DNAH12: variants seen among roughly 807,000 people sequenced by gnomAD.
DNAH12 encodes the protein axonemal beta dynein heavy chain 12.
A neutral mutation model predicts 371.5 loss-of-function variants in DNAH12; 285 were observed. That is an observed-to-expected ratio of 0.77 (90% CI 0.70 to 0.85). DNAH12 has a LOEUF of 0.85. Among genes scored for constraint, DNAH12 ranks in the 40% least tolerant of loss-of-function variants. The pLI is 0.00. For missense variants in DNAH12, 3,611 were observed against 3,689.4 expected (o/e 0.98, Z 0.55); for synonymous variants, 1,200 against 1,213.0 (o/e 0.99, Z 0.22).
In DNAH12 at chr3:57,325,350, G is replaced by A. The variant is rs375520832; in HGVS notation, c.9979-1731C>T. On this transcript the variant is annotated intron_variant, in intron 62 of 73. Transcript: ENST00000495027. Reference sequence around the variant, plus strand: ...GTAGGGGCAAACTGACACCTCACACGGCTGGGTACTCCTCTGAGACAAAAC... The same window carrying A: ...GTAGGGGCAAACTGACACCTCACACAGCTGGGTACTCCTCTGAGACAAAAC... 1.1e-4 allele frequency among the ~76,000 whole-genome samples: 17 copies of A among 152,270 alleles called. No individual in the cohort carries two copies. The East Asian group carries it at 1.7e-3, about 16-fold the overall frequency.
At chr3:57,554,880 G>C in the DNAH12 span, among the ~76,000 whole-genome samples, 1 of 152,084 alleles carries the variant, frequency 6.6e-6, no homozygotes, top group Admixed American at 6.6e-5. Flanking sequence ...GCCTCCCAAA[G>C]TGCTGGGATT....
intron 55 of DNAH12, among the ~76,000 whole-genome samples, chr3:57,370,822 G>A (rs1365670756): frequency 1.3e-5 from 2 of 152,154 alleles, no homozygotes; most frequent in Admixed American, 6.5e-5. Flanking sequence ...CTTGGGAAGA[G>A]TATCAGTCTG....
intron 4 of DNAH12, among the ~76,000 whole-genome samples, chr3:57,513,947 G>A (rs1434060244): frequency 6.6e-6 from 1 of 152,128 alleles, no homozygotes; most frequent in Non-Finnish European, 1.5e-5. Flanking sequence ...CAGTATGAAA[G>A]CATACATATA....
chr3:57,421,463 T>C, intron 36 of DNAH12, 55 bp downstream of exon 36: 2 of 1,514,536 alleles, frequency 1.3e-6, no homozygotes, highest in South Asian at 1.2e-5. Flanking sequence ...GAGCTTTGTC[T>C]GCTGGCCTAA....
At position 57,405,794 on chromosome 3, in the gene DNAH12, C is replaced by T. The variant is rs782403636; in HGVS notation, c.6435G>A (p.Glu2145=). ...KHTMIRLFVH[E]VLRVFYDRLI... is the part of the protein sequence containing the mutation. The stretch of plus-strand genomic sequence containing the variant: ...GGCGATCATAAAACACTCGGAGAAC[C>T]TCATGCACAAACAGACGGATCATAG... The change falls in exon 41 of 74, where the codon GAG becomes GAA. Residue 2145 remains glutamate (E), a synonymous_variant. Coordinates refer to ENST00000495027, the MANE Select transcript of DNAH12 (RefSeq NM_001366028.2). The T allele has an allele frequency of 6.4e-7, 1 of 1,551,638 alleles. No individual in the cohort carries two copies. Among genetic ancestry groups the T allele is most frequent in the Middle Eastern group, 1.7e-4 (1 of 5,992 alleles).
chr3:57,334,590 T>C lies in DNAH12; in HGVS notation c.9853A>G (p.Ile3285Val), dbSNP rs866319966. Residue 3285 changes from isoleucine (I) to valine (V), a missense_variant, in exon 62 of 74, where the codon ATA becomes GTA. Ile to Val is a conservative substitution (Grantham distance 29, BLOSUM62 3). Transcript: ENST00000495027. The part of the protein sequence containing the change: ...RGLRQHFCEH[I>V]YEWREIYDSK... Reference sequence around the variant, plus strand: ...TCATAGATTTCTCGCCATTCATATATATGTTCACAAAAATGTTGCCTAATA... The same window carrying C: ...TCATAGATTTCTCGCCATTCATATACATGTTCACAAAAATGTTGCCTAATA... 3.2e-6 allele frequency: 5 copies of C among 1,540,730 alleles called. No individual in the cohort carries two copies. The highest frequency in any genetic ancestry group is 3.4e-4 in the Middle Eastern group (2 of 5,928).
chr3:57,495,629 A>T (rs972098078), intron 11 of DNAH12, among the ~76,000 whole-genome samples: 17 of 146,364 alleles, frequency 1.2e-4, no homozygotes, highest in South Asian at 2.1e-4. Flanking sequence ...TATTATATAT[A>T]TTTTTATGTA....
intron 34 of DNAH12, 128 bp from the exon 35 acceptor site, chr3:57,425,269 A>G (rs1295158648): frequency 1.7e-6 from 1 of 581,168 alleles, no homozygotes; most frequent in African/African-American, 2.0e-5. Flanking sequence ...TGTTTTTGAG[A>G]TGGGATCTCA....
intron 4 of DNAH12, among the ~76,000 whole-genome samples, chr3:57,518,209 C>T (rs920679740): frequency 1.3e-5 from 2 of 151,666 alleles, no homozygotes; most frequent in Non-Finnish European, 2.9e-5. Context: ...TTTTAGTGCT[C>T]GATATCATAG....
intron 2 of DNAH12, among the ~76,000 whole-genome samples, chr3:57,528,308 G>A (rs575809517): frequency 3.1e-4 from 47 of 151,818 alleles, no homozygotes; most frequent in African/African-American, 9.7e-4. Flanking sequence ...GATTACAGGC[G>A]TGAGCCACTG....
At chr3:57,553,750 A>G in the DNAH12 span, among the ~76,000 whole-genome samples, 1 of 152,210 alleles carries the variant, frequency 6.6e-6, no homozygotes, top group African/African-American at 2.4e-5. Context: ...TGACTTTAAA[A>G]CATCTAGCAA....
Position 57,468,904 on chromosome 3 carries a change from A to T in DNAH12, c.2181T>A (p.Ile727=). The part of the protein sequence containing the change: ...EADVEEFSRE[I]FKTLKFFQTK... ...TTTGGAAAAATTTTAGTGTCTTAAA[A>T]ATTTCTCGGGAAAACTCTTCCACAT... is the stretch of plus-strand genomic sequence containing the variant. Residue 727 remains isoleucine (I), a synonymous_variant, in exon 17 of 74, where the codon ATT becomes ATA. Transcript: ENST00000495027. The T allele has an allele frequency of 6.6e-7, 1 of 1,526,344 alleles. No homozygotes were observed. The highest frequency in any genetic ancestry group is 1.3e-5 in the South Asian group (1 of 79,046). 94.6% of individuals were successfully genotyped at this position (1,526,344 alleles called of 1,614,324 possible).
intron 11 of DNAH12, among the ~76,000 whole-genome samples, chr3:57,500,506 C>T (rs1008607750): frequency 6.6e-6 from 1 of 152,086 alleles, no homozygotes; most frequent in East Asian, 1.9e-4. Flanking sequence ...GTACTGTGTC[C>T]CTGTTCCCTA....
At chr3:57,540,678 CCAG>C (rs1241328861) in intron 2 of DNAH12, among the ~76,000 whole-genome samples, 2 of 152,128 alleles carry the variant, frequency 1.3e-5, no homozygotes, top group African/African-American at 4.8e-5. Context: ...GCCTGTAATT[CCAG>C]CACTTTGGGA....
At chr3:57,342,925 T>C (rs2062441863) in intron 60 of DNAH12, among the ~76,000 whole-genome samples, 1 of 151,782 alleles carries the variant, frequency 6.6e-6, no homozygotes, top group Non-Finnish European at 1.5e-5. Context: ...ATACAAAAAT[T>C]AGCCAAGCAT....
At chr3:57,452,807 T>C in intron 25 of DNAH12, 36 bp downstream of exon 25, 1 of 1,510,420 alleles carries the variant, frequency 6.6e-7, no homozygotes, top group Non-Finnish European at 8.9e-7. Context: ...AAAAAGTAAT[T>C]ATTAATGTGT....
At chr3:57,306,803 T>C (rs1391607101) in intron 69 of DNAH12, among the ~76,000 whole-genome samples, 2 of 152,174 alleles carry the variant, frequency 1.3e-5, no homozygotes, top group African/African-American at 4.8e-5. Flanking sequence ...AGACAAGGCT[T>C]ACAGGTTAGT....
At chr3:57,338,765 C>T (rs975144356) in intron 60 of DNAH12, among the ~76,000 whole-genome samples, 15 of 151,764 alleles carry the variant, frequency 9.9e-5, no homozygotes, top group Middle Eastern at 3.4e-3. Context: ...ATGTGAGGAG[C>T]GCCTCTGCCC....
intron 67 of DNAH12, 56 bp downstream of exon 67, chr3:57,310,660 AT>A: frequency 8.3e-7 from 1 of 1,201,652 alleles, no homozygotes; most frequent in South Asian, 1.4e-5. Flanking sequence ...ACATTTCACC[AT>A]TTGCTGTTAG....
Sources: gnomAD v4.1 joint callset for allele counts (sites outside exome capture counted in the v4.1 genomes callset) on GRCh38, gnomAD v4.1.1 for gene constraint, MANE v1.5 for transcripts, NCBI Gene and HGNC (gene_info 2026-07-23, HGNC 2026-07-21) for gene names.